Variants in PCOLCE2 observed in about 807,000 individuals in gnomAD.
PCOLCE2 encodes the protein procollagen C-proteinase enhancer 2.
Under a neutral mutation model 47.0 loss-of-function variants are expected in PCOLCE2, and 42 were observed. The ratio of observed to expected loss-of-function variants is 0.89; its 90% CI spans 0.70 to 1.16. The LOEUF (loss-of-function observed/expected upper bound fraction) is 1.16. PCOLCE2 is among the 50% of genes most tolerant of loss of function. The pLI, the probability that PCOLCE2 is intolerant of heterozygous loss-of-function variation, is 0.00. For missense variants in PCOLCE2, 500 were observed against 526.1 expected (o/e 0.95, Z 0.49); for synonymous variants, 169 against 191.7 (o/e 0.88, Z 0.98).
At chr3:142,840,205 G>A (rs1399880928) in intron 4 of PCOLCE2, among the ~76,000 whole-genome samples, 1 of 152,190 alleles carries the variant, frequency 6.6e-6, no homozygotes, top group Non-Finnish European at 1.5e-5. Flanking sequence ...CAGAAGCACT[G>A]ATCTACAAAG....
intron 4 of PCOLCE2, among the ~76,000 whole-genome samples, chr3:142,841,827 C>A (rs1385333489): frequency 6.6e-6 from 1 of 151,998 alleles, no homozygotes; most frequent in East Asian, 1.9e-4. Flanking sequence ...ATAATGTTTA[C>A]CTCATAGTGT....
chr3:142,866,333 A>G (rs901074581), intron 2 of PCOLCE2, among the ~76,000 whole-genome samples: 3 of 152,096 alleles, frequency 2.0e-5, no homozygotes, highest in East Asian at 1.9e-4. Context: ...CCTGGCTCTC[A>G]GGCCTTAGGA....
chr3:142,843,508 A>G (rs1937291412), intron 3 of PCOLCE2, among the ~76,000 whole-genome samples: 1 of 150,706 alleles, frequency 6.6e-6, no homozygotes, highest in African/African-American at 2.4e-5. Context: ...TATATAATAT[A>G]TATATGTTTT....
At chr3:142,868,638 T>C (rs905758359) in intron 2 of PCOLCE2, among the ~76,000 whole-genome samples, 64 of 152,118 alleles carry the variant, frequency 4.2e-4, no homozygotes, top group Non-Finnish European at 7.6e-4. Flanking sequence ...ACCATTTTTT[T>C]CCCCTGCCAA....
At chr3:142,881,870 A>G (rs911241768) in intron 2 of PCOLCE2, among the ~76,000 whole-genome samples, 2 of 152,226 alleles carry the variant, frequency 1.3e-5, no homozygotes, top group African/African-American at 4.8e-5. Flanking sequence ...CTTTCTATGT[A>G]AGACAACTTA....
intron 2 of PCOLCE2, among the ~76,000 whole-genome samples, chr3:142,862,111 G>A: frequency 6.6e-6 from 1 of 152,152 alleles, no homozygotes; most frequent in East Asian, 1.9e-4. Flanking sequence ...CATACTCCCT[G>A]CCAGGCTGGA....
intron 2 of PCOLCE2, among the ~76,000 whole-genome samples, chr3:142,876,466 G>A (rs1933500202): frequency 6.6e-6 from 1 of 152,116 alleles, no homozygotes; most frequent in Non-Finnish European, 1.5e-5. Flanking sequence ...GTAATCTCCT[G>A]CTGCACAACA....
intron 2 of PCOLCE2, among the ~76,000 whole-genome samples, chr3:142,874,498 C>T (rs899168906): frequency 3.3e-5 from 5 of 152,212 alleles, no homozygotes; most frequent in African/African-American, 4.8e-5. Flanking sequence ...CATGAAAAAC[C>T]GTGAGTCAAT....
chr3:142,844,712 T>C (rs1250402084), intron 3 of PCOLCE2, among the ~76,000 whole-genome samples: 1 of 152,222 alleles, frequency 6.6e-6, no homozygotes, highest in Non-Finnish European at 1.5e-5. Flanking sequence ...AGTGTCCAAG[T>C]GTTTTGCCAA....
chr3:142,863,948 T>C (rs1482142434), intron 2 of PCOLCE2: 1 of 152,060 alleles, frequency 6.6e-6, no homozygotes, highest in Non-Finnish European at 1.5e-5. Context: ...ATCATTTTGC[T>C]CAGATGGTGT....
chr3:142,845,407 C>T (rs1473156863), intron 3 of PCOLCE2, among the ~76,000 whole-genome samples: 15 of 152,100 alleles, frequency 9.9e-5, no homozygotes, highest in Admixed American at 7.9e-4. Context: ...TTGTTTTGAA[C>T]AGATACATGT....
intron 2 of PCOLCE2, among the ~76,000 whole-genome samples, chr3:142,854,779 T>A (rs897245621): frequency 3.3e-5 from 5 of 152,198 alleles, no homozygotes; most frequent in African/African-American, 1.2e-4. Flanking sequence ...ACACACTTAG[T>A]GAACATCAGG....
intron 3 of PCOLCE2, among the ~76,000 whole-genome samples, chr3:142,845,955 A>G (rs1937324340): frequency 6.6e-6 from 1 of 152,178 alleles, no homozygotes; most frequent in Non-Finnish European, 1.5e-5. Context: ...AGCCTGGTCA[A>G]CAAGAGTGAA....
At chr3:142,827,964 T>C (rs1414669303) in intron 6 of PCOLCE2, among the ~76,000 whole-genome samples, 2 of 152,140 alleles carry the variant, frequency 1.3e-5, no homozygotes, top group African/African-American at 4.8e-5. Flanking sequence ...CTCCCTGACC[T>C]CCCTAGTCCA....
At chr3:142,882,876 A>C (rs1933652636) in intron 2 of PCOLCE2, among the ~76,000 whole-genome samples, 1 of 152,168 alleles carries the variant, frequency 6.6e-6, no homozygotes. Flanking sequence ...TGCATTAGAC[A>C]TTCAGATGTG....
At chr3:142,857,872 C>T (rs1268421121) in intron 2 of PCOLCE2, among the ~76,000 whole-genome samples, 3 of 152,198 alleles carry the variant, frequency 2.0e-5, no homozygotes, top group Non-Finnish European at 4.4e-5. Flanking sequence ...GTACTGGGCC[C>T]ACCCCAGGCT....
chr3:142,850,399 C>G (rs1159710776), intron 2 of PCOLCE2, among the ~76,000 whole-genome samples: 2 of 152,094 alleles, frequency 1.3e-5, no homozygotes, highest in East Asian at 3.9e-4. Flanking sequence ...TGAAGTCACT[C>G]CCAGAGTGAA....
intron 7 of PCOLCE2, among the ~76,000 whole-genome samples, chr3:142,821,422 T>C (rs949987561): frequency 1.3e-5 from 2 of 152,184 alleles, no homozygotes; most frequent in Non-Finnish European, 2.9e-5. Context: ...TTAGAGGCAG[T>C]ACCACGCTAA....
At chr3:142,846,904 A>C (rs1048709812) in intron 3 of PCOLCE2, among the ~76,000 whole-genome samples, 1 of 152,220 alleles carries the variant, frequency 6.6e-6, no homozygotes, top group Non-Finnish European at 1.5e-5. Flanking sequence ...ACAAACATGT[A>C]ATAGCAGCTT....
Sources: allele counts gnomAD v4.1 joint callset (sites outside exome capture counted in the v4.1 genomes callset), GRCh38; gene constraint gnomAD v4.1.1; transcripts MANE v1.5; gene names NCBI Gene and HGNC (gene_info 2026-07-23, HGNC 2026-07-21).